Variants in SYN2 observed in about 807,000 individuals in gnomAD.
SYN2 encodes the protein synapsin II, also known as synapsin-2.
SYN2 carries 19 observed loss-of-function variants against 50.9 expected under a neutral mutation model. The ratio of observed to expected loss-of-function variants is 0.37; its 90% CI spans 0.26 to 0.55. The LOEUF (loss-of-function observed/expected upper bound fraction) is 0.55, where lower values mean the gene tolerates loss of function less well. SYN2 is among the 20% of genes least tolerant of loss of function. The pLI is 0.81. For missense variants in SYN2, 587 were observed against 576.4 expected (o/e 1.02, Z -0.19); for synonymous variants, 255 against 224.9 (o/e 1.13, Z -1.20).
At chr3:12,064,380 G>C (rs1243548059) in intron 1 of SYN2, among the ~76,000 whole-genome samples, 5 of 150,820 alleles carry the variant, frequency 3.3e-5, no homozygotes, top group African/African-American at 1.2e-4. Flanking sequence ...AACAAACAAA[G>C]AAAATATAAA....
At chr3:12,122,180 G>A (rs1350938117) in intron 1 of SYN2, among the ~76,000 whole-genome samples, 1 of 152,168 alleles carries the variant, frequency 6.6e-6, no homozygotes, top group Non-Finnish European at 1.5e-5. Context: ...AGTAGGTGAC[G>A]AATAAACATT....
intron 1 of SYN2, among the ~76,000 whole-genome samples, chr3:12,036,728 ACT>A (rs1694506453): frequency 6.6e-6 from 1 of 151,828 alleles, no homozygotes; most frequent in Non-Finnish European, 1.5e-5. Flanking sequence ...TAGCTGTACT[ACT>A]CTGTTTAACA....
At chr3:12,078,490 A>C (rs1317012975) in intron 1 of SYN2, among the ~76,000 whole-genome samples, 1 of 152,178 alleles carries the variant, frequency 6.6e-6, no homozygotes, top group African/African-American at 2.4e-5. Context: ...ATAATGTGTA[A>C]GGAAGGGGTC....
intron 1 of SYN2, among the ~76,000 whole-genome samples, chr3:12,063,463 A>G (rs1041607939): frequency 1.3e-5 from 2 of 152,044 alleles, no homozygotes; most frequent in South Asian, 2.1e-4. Context: ...AATGCTATAC[A>G]TGTATACTGA....
intron 1 of SYN2, chr3:12,070,240 G>T: frequency 2.3e-6 from 1 of 437,848 alleles, no homozygotes. Flanking sequence ...AGAAGAGATT[G>T]CCATGCTGGT....
intron 1 of SYN2, among the ~76,000 whole-genome samples, chr3:12,097,501 G>A (rs1299851284): frequency 1.3e-5 from 2 of 151,946 alleles, no homozygotes; most frequent in African/African-American, 4.8e-5. Flanking sequence ...AGCTACTCGG[G>A]AGGCTGAGGC....
intron 1 of SYN2, among the ~76,000 whole-genome samples, chr3:12,046,138 G>C (rs1694734073): frequency 6.6e-6 from 1 of 152,170 alleles, no homozygotes. Flanking sequence ...ACCTAGTACA[G>C]CTACTAGTGT....
At chr3:12,074,230 G>A (rs866044708) in intron 1 of SYN2, among the ~76,000 whole-genome samples, 3 of 152,028 alleles carry the variant, frequency 2.0e-5, no homozygotes, top group Non-Finnish European at 4.4e-5. Context: ...TATTTTAGGT[G>A]TATCTCTTGC....
At chr3:12,182,146 C>T (rs3773367) in intron 10 of SYN2, among the ~76,000 whole-genome samples, 10,396 of 152,232 alleles carry the variant, frequency 0.068, 571 homozygotes, top group East Asian at 0.18. Context: ...GAGCTGAAAA[C>T]AGGCCATAAT....
At chr3:12,189,031 G>A (rs1044023350) in intron 12 of SYN2, among the ~76,000 whole-genome samples, 1 of 152,170 alleles carries the variant, frequency 6.6e-6, no homozygotes, top group Non-Finnish European at 1.5e-5. Flanking sequence ...GTTGGGTCTC[G>A]TTCCCAGCCC....
intron 10 of SYN2, among the ~76,000 whole-genome samples, chr3:12,174,218 A>G (rs1698006393): frequency 6.6e-6 from 1 of 150,570 alleles, no homozygotes; most frequent in African/African-American, 2.5e-5. Context: ...CACCCCTTCA[A>G]ACTCCAGACT....
intron 1 of SYN2, among the ~76,000 whole-genome samples, chr3:12,061,874 C>G (rs1038370216): frequency 6.6e-6 from 1 of 151,890 alleles, no homozygotes; most frequent in Non-Finnish European, 1.5e-5. Flanking sequence ...TGAAAGAAAT[C>G]GAAGATCTAA....
In SYN2 at chr3:12,175,265, G is replaced by A. The variant is rs564164375; in HGVS notation, c.1308+5359G>A. Among the ~76,000 whole-genome samples the A allele has an allele frequency of 5.0e-4, 76 of 152,328 alleles. 1 individual carries two copies. Among genetic ancestry groups the A allele is most frequent in the African/African-American group, 1.6e-3 (68 of 41,572 alleles). ...ATTTGTTGAGTGAGTTCACCATTTG[G>A]AAGAGGCATCTTTAATAGCCCTATC... On this transcript the variant is annotated intron_variant, in intron 10 of 12. Coordinates refer to ENST00000621198, the MANE Select transcript of SYN2 (RefSeq NM_133625.6).
At chr3:12,109,590 C>A (rs951198354) in intron 1 of SYN2, among the ~76,000 whole-genome samples, 3 of 152,130 alleles carry the variant, frequency 2.0e-5, no homozygotes, top group Admixed American at 1.3e-4. Context: ...AATGTGAGTT[C>A]TCTTTTCATC....
intron 8 of SYN2, 32 bp downstream of exon 8, chr3:12,167,340 C>A: frequency 1.3e-6 from 2 of 1,593,776 alleles, no homozygotes; most frequent in Admixed American, 3.5e-5. Context: ...AGTTTCCAGC[C>A]CAGTGAGAGG....
chr3:12,093,246 G>A (rs1328470647), intron 1 of SYN2, among the ~76,000 whole-genome samples: 1 of 152,020 alleles, frequency 6.6e-6, no homozygotes, highest in East Asian at 1.9e-4. Flanking sequence ...CTTCATTCAA[G>A]CCTCAGCCTT....
At chr3:12,166,283 G>T (rs1244031820) in intron 7 of SYN2, among the ~76,000 whole-genome samples, 1 of 152,156 alleles carries the variant, frequency 6.6e-6, no homozygotes, top group Non-Finnish European at 1.5e-5. Flanking sequence ...TGTCCCCTAG[G>T]CTATCTCCTT....
chr3:12,104,810 C>T (rs1696150280), intron 1 of SYN2, among the ~76,000 whole-genome samples: 1 of 152,022 alleles, frequency 6.6e-6, no homozygotes, highest in South Asian at 2.1e-4. Context: ...CTCAGGTGAT[C>T]TACCCGCCTT....
At chr3:12,026,648 A>C (rs989149889) in intron 1 of SYN2, among the ~76,000 whole-genome samples, 2 of 152,286 alleles carry the variant, frequency 1.3e-5, no homozygotes, top group South Asian at 4.1e-4. Flanking sequence ...TTTAGGAAAC[A>C]TTGTGTTCTT....
Sources: gnomAD v4.1 joint callset for allele counts (sites outside exome capture counted in the v4.1 genomes callset) on GRCh38, gnomAD v4.1.1 for gene constraint, MANE v1.5 for transcripts, NCBI Gene and HGNC (gene_info 2026-07-23, HGNC 2026-07-21) for gene names.